CSNK2A2: variants seen among roughly 807,000 people sequenced by gnomAD.
CSNK2A2 encodes casein kinase II subunit alpha'.
CSNK2A2 carries 8 observed loss-of-function variants against 54.0 expected under a neutral mutation model. The observed-to-expected ratio is 0.15, with a 90% CI of 0.09 to 0.27. CSNK2A2 has a LOEUF of 0.27. CSNK2A2 is among the 10% of genes least tolerant of loss of function. CSNK2A2 has a pLI of 1.00. For missense variants in CSNK2A2, 242 were observed against 439.4 expected (o/e 0.55, Z 4.02); for synonymous variants, 141 against 153.9 (o/e 0.92, Z 0.62).
chr16:58,191,695 TA>T (rs1246025487), intron 2 of CSNK2A2, among the ~76,000 whole-genome samples: 2 of 151,898 alleles, frequency 1.3e-5, no homozygotes, highest in African/African-American at 4.8e-5. Context: ...AATTTTTTTT[TA>T]AAGGCAAGGC....
At chr16:58,184,218 C>G (rs1397258652) in intron 4 of CSNK2A2, 42 bp downstream of exon 4, 3 of 1,509,546 alleles carry the variant, frequency 2.0e-6, no homozygotes, top group South Asian at 2.4e-5. Context: ...CCAGCTCCCC[C>G]TCACCCCGTT....
In CSNK2A2 at chr16:58,186,826, C is replaced by A. The variant is rs1321409878; in HGVS notation, c.247G>T (p.Val83Phe). The change falls in exon 3 of 12, where the codon GTT (valine) becomes TTT (phenylalanine). Residue 83 changes from valine (V) to phenylalanine (F), a missense_variant. Physicochemically the swap from Val to Phe is conservative, Grantham distance 50 (BLOSUM62 -1). Coordinates refer to ENST00000262506, the MANE Select transcript of CSNK2A2 (RefSeq NM_001896.4). ...PVKKKKIKRE[V>F]KILENLRGGT... ...CCACGAAGGTTCTCCAGAATCTTAA[C>A]CTCTCGTTTTATCTTCTTTTTCTTC... 1.2e-6 allele frequency: 2 copies of A among 1,614,060 alleles called. No homozygotes were observed. Among genetic ancestry groups the A allele is most frequent in the Non-Finnish European group, 8.5e-7 (1 of 1,179,934 alleles).
intron 2 of CSNK2A2, among the ~76,000 whole-genome samples, chr16:58,191,376 T>A (rs568862982): frequency 1.3e-5 from 2 of 152,304 alleles, no homozygotes; most frequent in African/African-American, 4.8e-5. Flanking sequence ...ATTTTATTTT[T>A]TTTTAGACGA....
rs1962136248 is a variant in CSNK2A2, at chr16:58,184,241, G to A, written c.369+19C>T. On this transcript the variant is annotated intron_variant, in intron 4 of 11. Coordinates refer to ENST00000262506, the MANE Select transcript of CSNK2A2 (RefSeq NM_001896.4). ...CCCTCACCCCGTTAACCCCATGCCAGAAAGAAAAGCATACGCACCTTAAAA... is the reference window on the plus strand; with the variant it reads ...CCCTCACCCCGTTAACCCCATGCCAAAAAGAAAAGCATACGCACCTTAAAA... 4 of 1,593,110 alleles carry A rather than the reference G, an allele frequency of 2.5e-6. No homozygotes were observed. Among genetic ancestry groups the A allele is most frequent in the Non-Finnish European group, 3.4e-6 (4 of 1,165,314 alleles).
In CSNK2A2 at chr16:58,164,062, T is replaced by C. The variant is rs1230116930; in HGVS notation, c.*9A>G. 1.2e-6 allele frequency: 2 copies of C among 1,612,372 alleles called. No individual in the cohort carries two copies. Among genetic ancestry groups the C allele is most frequent in the Non-Finnish European group, 1.7e-6 (2 of 1,178,890 alleles). ...CATCAATGCCGCATTACCCGTCGCT[T>C]TCCAGTCTTCATCGTGCTGCCGTGA... On this transcript the variant is annotated 3_prime_UTR_variant, in exon 11 of 12. Coordinates refer to ENST00000262506, the MANE Select transcript of CSNK2A2 (RefSeq NM_001896.4).
At chr16:58,161,485 G>A (rs1961357479) in intron 11 of CSNK2A2, 1 of 151,998 alleles carries the variant, frequency 6.6e-6, no homozygotes, top group Non-Finnish European at 1.5e-5. Context: ...GATACTGGGT[G>A]CGTACATTTA....
At chr16:58,170,282 A>G (rs950645899) in intron 5 of CSNK2A2, among the ~76,000 whole-genome samples, 1 of 151,934 alleles carries the variant, frequency 6.6e-6, no homozygotes, top group Non-Finnish European at 1.5e-5. Flanking sequence ...GCCCACAACC[A>G]CTGACCTGCT....
chr16:58,164,186 G>A (rs765012200), intron 10 of CSNK2A2, 39 bp from the exon 11 acceptor site: 1 of 1,598,430 alleles, frequency 6.3e-7, no homozygotes, highest in South Asian at 1.1e-5. Flanking sequence ...AATCAGGGTG[G>A]TGAGTGCTGA....
At chr16:58,191,358 GTTATT>G (rs567046127) in intron 2 of CSNK2A2, among the ~76,000 whole-genome samples, 161 of 152,190 alleles carry the variant, frequency 1.1e-3, no homozygotes, top group East Asian at 3.9e-3. Context: ...TAAATTTTAT[GTTATT>G]TTATTTTATT....
chr16:58,180,362 T>C lies in CSNK2A2; in HGVS notation c.369+3898A>G, dbSNP rs543145948. 2.1e-5 allele frequency among the ~76,000 whole-genome samples: 3 copies of C among 142,456 alleles called. No individual in the cohort carries two copies. In the East Asian group the frequency reaches 6.0e-4, roughly 28 times the overall value. 93.5% of individuals were successfully genotyped at this position (142,456 alleles called of 152,430 possible). Reference sequence around the variant, plus strand: ...ATGTGAAGGAAAGGATAACTACAGATACTCCAGAGTTTTTTTTTTTTTTTG... The same window carrying C: ...ATGTGAAGGAAAGGATAACTACAGACACTCCAGAGTTTTTTTTTTTTTTTG... On this transcript the variant is annotated intron_variant, in intron 4 of 11. Transcript: ENST00000262506.
Position 58,167,886 on chromosome 16 carries a change from T to C in CSNK2A2, c.514-91A>G, listed in dbSNP as rs1961611287. 9.3e-6 allele frequency: 9 copies of C among 963,200 alleles called. No individual in the cohort carries two copies. The Admixed American group carries it at 1.5e-4, about 16-fold the overall frequency. The allele number at this position is 963,200 out of a possible 1,614,324, so 59.7% of individuals were successfully genotyped here. A position where few individuals can be genotyped will look rare whatever the true frequency, so the allele number is the denominator to read the frequency against. ...GCCACATCACATTAGGTAACAATCA[T>C]TTGGCCACACAAAAAATGTGAGCAG... On this transcript the variant is annotated intron_variant, in intron 6 of 11. Coordinates refer to ENST00000262506, the MANE Select transcript of CSNK2A2 (RefSeq NM_001896.4).
At chr16:58,184,135 C>T in intron 4 of CSNK2A2, 125 bp downstream of exon 4, 1 of 686,318 alleles carries the variant, frequency 1.5e-6, no homozygotes, top group Non-Finnish European at 2.4e-6. Context: ...CTTAAGGAAC[C>T]CAATTTGTTA....
rs996907509 is a variant in CSNK2A2 at position 58,167,070 on chromosome 16, G to A, written c.726+137C>T. On this transcript the variant is annotated intron_variant, in intron 8 of 11. Coordinates refer to ENST00000262506, the MANE Select transcript of CSNK2A2 (RefSeq NM_001896.4). ...ACCTGGTAAACACAAAATTCTGTGCGATCTTTATCTTGAAGAAAAGCTCAT... is the reference window on the plus strand; with the variant it reads ...ACCTGGTAAACACAAAATTCTGTGCAATCTTTATCTTGAAGAAAAGCTCAT... 1.1e-5 allele frequency: 6 copies of A among 569,220 alleles called. No individual in the cohort carries two copies. In the Admixed American group the frequency reaches 1.1e-4, roughly 10 times the overall value. 35.3% of individuals were successfully genotyped at this position (569,220 alleles called of 1,614,324 possible).
chr16:58,164,208 G>T, intron 10 of CSNK2A2, 61 bp from the exon 11 acceptor site: 1 of 1,495,856 alleles, frequency 6.7e-7, no homozygotes, highest in Non-Finnish European at 9.3e-7. Context: ...AGAAGCCCAT[G>T]GCAAACCCAC....
At chr16:58,162,909 AC>A (rs1212223000) in intron 11 of CSNK2A2, 2 of 152,106 alleles carry the variant, frequency 1.3e-5, no homozygotes, top group Non-Finnish European at 2.9e-5. Context: ...GTTTCAGATG[AC>A]CCTGCCCACA....
chr16:58,180,468 C>A (rs1962007438), intron 4 of CSNK2A2, among the ~76,000 whole-genome samples: 1 of 150,310 alleles, frequency 6.7e-6, no homozygotes, highest in Non-Finnish European at 1.5e-5. Flanking sequence ...TATATATTAT[C>A]CAAATAGACT....
At position 58,165,593 on chromosome 16, in the gene CSNK2A2, T is replaced by C. The variant is rs1255264484; in HGVS notation, c.943A>G (p.Thr315Ala). The C allele has an allele frequency of 1.5e-5, 25 of 1,613,818 alleles. No individual in the cohort carries two copies. Among genetic ancestry groups the C allele is most frequent in the Admixed American group, 3.3e-5 (2 of 59,910 alleles). The part of the protein sequence containing the change: ...LLRYDHQQRL[T>A]AKEAMEHPYF... Reference sequence around the variant, plus strand: ...GGGTGCTCCATGGCCTCTTTGGCAGTCAGTCTCTGTTGATGGTCGTATCGC... The same window carrying C: ...GGGTGCTCCATGGCCTCTTTGGCAGCCAGTCTCTGTTGATGGTCGTATCGC... Residue 315 changes from threonine (T) to alanine (A), a missense_variant, in exon 10 of 12, where the codon ACT becomes GCT. This residue lies in a region of CSNK2A2 where 81 missense variants were observed against 135.0 expected (regional missense o/e 0.60). Coordinates refer to ENST00000262506, the MANE Select transcript of CSNK2A2 (RefSeq NM_001896.4).
intron 7 of CSNK2A2, 81 bp from the exon 8 acceptor site, chr16:58,167,389 TG>T (rs1961597100): frequency 9.0e-7 from 1 of 1,107,356 alleles, no homozygotes; most frequent in Admixed American, 2.4e-5. Flanking sequence ...TAGACGAGAT[TG>T]GGCGTGTTCA....
chr16:58,197,198 G>A lies in CSNK2A2; in HGVS notation c.105-354C>T. The A allele has an allele frequency of 3.4e-6, 1 of 292,746 alleles. No homozygotes were observed. The highest frequency in any genetic ancestry group is 6.5e-6 in the Non-Finnish European group (1 of 153,238). The allele number at this position is 292,746 out of a possible 1,614,324, so 18.1% of individuals were successfully genotyped here. A position where few individuals can be genotyped will look rare whatever the true frequency, so the allele number is the denominator to read the frequency against. On this transcript the variant is annotated intron_variant, in intron 1 of 11. Transcript: ENST00000262506. The surrounding 1 kb of genome is among the most constrained non-coding windows in gnomAD (Gnocchi z 4.0). ...GTTTCACATCTTCAAGGTAGACAAT[G>A]CCTGTTTTAAAAATCTGGACGTCTT...
Sources: allele counts gnomAD v4.1 joint callset (sites outside exome capture counted in the v4.1 genomes callset), GRCh38; gene constraint gnomAD v4.1.1; regional missense constraint gnomAD v4.1.1; non-coding constraint Gnocchi (gnomAD v3.1); transcripts MANE v1.5; gene names NCBI Gene and HGNC (gene_info 2026-07-23, HGNC 2026-07-21).